OLFML2B: variants seen among roughly 807,000 people sequenced by gnomAD.
The protein encoded by OLFML2B is olfactomedin like 2B, also known as olfactomedin-like protein 2B.
OLFML2B carries 57 observed loss-of-function variants against 74.9 expected under a neutral mutation model. The observed-to-expected ratio is 0.76, with a 90% CI of 0.61 to 0.95. The LOEUF (loss-of-function observed/expected upper bound fraction) is 0.95, where lower values mean the gene tolerates loss of function less well. Ranked by LOEUF, OLFML2B falls within the 40% of genes least tolerant of loss-of-function variation. OLFML2B has a pLI of 0.00. For synonymous variants in OLFML2B, 388 were observed against 405.8 expected (o/e 0.96, Z 0.53); for missense variants, 986 against 970.6 (o/e 1.02, Z -0.21).
chr1:162,012,428 G>A (rs1458996043), intron 3 of OLFML2B, among the ~76,000 whole-genome samples: 1 of 152,212 alleles, frequency 6.6e-6, no homozygotes, highest in East Asian at 1.9e-4. Context: ...TTAGGTGTGG[G>A]GGAGAAGCCC....
At chr1:162,010,171 G>A (rs1249810202) in intron 3 of OLFML2B, among the ~76,000 whole-genome samples, 1 of 152,216 alleles carries the variant, frequency 6.6e-6, no homozygotes, top group South Asian at 2.1e-4. Context: ...CAGAAGGCTG[G>A]ACACAGCCAA....
intron 6 of OLFML2B, among the ~76,000 whole-genome samples, chr1:161,987,100 G>A (rs976284837): frequency 1.3e-5 from 2 of 152,256 alleles, no homozygotes; most frequent in African/African-American, 4.8e-5. Flanking sequence ...GCCTGGCTCT[G>A]CTCTTGGCCC....
At chr1:161,995,368 T>C (rs936576579) in intron 6 of OLFML2B, among the ~76,000 whole-genome samples, 1 of 152,238 alleles carries the variant, frequency 6.6e-6, no homozygotes, top group African/African-American at 2.4e-5. Flanking sequence ...GGCTAGTCTT[T>C]AAGCAAACCT....
intron 3 of OLFML2B, among the ~76,000 whole-genome samples, chr1:162,010,024 G>C (rs551711487): frequency 2.6e-5 from 4 of 152,254 alleles, no homozygotes; most frequent in African/African-American, 9.6e-5. Context: ...GGGCAGTGCT[G>C]GCAATGTGGC....
chr1:161,984,146 G>A lies in OLFML2B; in HGVS notation c.1782C>T (p.Tyr594=), dbSNP rs139965719. ...NIIKYDLKQR[Y]VAAWAMLHDV... ...CATGCAGCATGGCCCAGGCAGCCAC[G>A]TAGCGCTGCTTCAGGTCGTACTTGA... is the stretch of plus-strand genomic sequence containing the variant. The change falls in exon 8 of 8, where the codon TAC becomes TAT. Residue 594 remains tyrosine (Y), a synonymous_variant. Coordinates refer to ENST00000294794, the MANE Select transcript of OLFML2B (RefSeq NM_015441.3). 15 of 1,610,256 alleles carry A rather than the reference G, an allele frequency of 9.3e-6. No homozygotes were observed. The African/African-American group carries it at 1.1e-4, about 11-fold the overall frequency.
intron 3 of OLFML2B, among the ~76,000 whole-genome samples, chr1:162,008,688 T>G (rs1690297627): frequency 6.6e-6 from 1 of 152,088 alleles, no homozygotes; most frequent in African/African-American, 2.4e-5. Context: ...AAACTGCAGA[T>G]TCCCAGGCCC....
Position 162,004,066 on chromosome 1 carries a change from G to A in OLFML2B, c.723+2231C>T, listed in dbSNP as rs575856686. 6.6e-5 allele frequency among the ~76,000 whole-genome samples: 10 copies of A among 152,290 alleles called. No individual in the cohort carries two copies. In the East Asian group the frequency reaches 9.6e-4, roughly 15 times the overall value. ...CTCAGGAAATCTGAGCTGGGTTCCC[G>A]AACATACCACATAATGTGTCATCAA... On this transcript the variant is annotated intron_variant, in intron 4 of 7. Transcript: ENST00000294794.
chr1:162,023,327 T>A lies in OLFML2B; in HGVS notation c.104A>T (p.Gln35Leu). The change falls in exon 1 of 8, where the codon CAG (glutamine) becomes CTG (leucine). Residue 35 changes from glutamine (Q) to leucine (L), a missense_variant. By Grantham distance (113) the Gln-to-Leu change is moderately radical (BLOSUM62 -2). Coordinates refer to ENST00000294794, the MANE Select transcript of OLFML2B (RefSeq NM_015441.3). ...LTGTSEPPDA[Q>L]TVAPAEDETL... ...CTCGTCCTCCGCAGGCGCCACTGTC[T>A]GCGCATCTGGGGGCTCGCTTGTCCC... 1.2e-6 allele frequency: 2 copies of A among 1,607,558 alleles called. No homozygotes were observed.
chr1:162,016,090 GT>G lies in OLFML2B; in HGVS notation c.546+1309del, dbSNP rs1184080566. 2.6e-5 allele frequency among the ~76,000 whole-genome samples: 4 copies of G among 152,364 alleles called. No homozygotes were observed. The East Asian group carries it at 7.7e-4, about 29-fold the overall frequency. On this transcript the variant is annotated intron_variant, in intron 3 of 7. Transcript: ENST00000294794. ...AAATTTTAAGGGGTGGAAGGAGTGT[GT>G]TGAAACTAATCCTTGTAACTTCAGT...
At chr1:161,987,815 G>A (rs1689633525) in intron 6 of OLFML2B, among the ~76,000 whole-genome samples, 1 of 152,190 alleles carries the variant, frequency 6.6e-6, no homozygotes, top group South Asian at 2.1e-4. Context: ...TAGGACCTCA[G>A]GCTGCATTTT....
At position 161,997,848 on chromosome 1, in the gene OLFML2B, T is replaced by A. The variant is rs369791177; in HGVS notation, c.1451A>T (p.Glu484Val). The change falls in exon 6 of 8, where the codon GAA becomes GTA. Residue 484 changes from glutamate to valine, a missense_variant. By Grantham distance (121) the Glu-to-Val change is moderately radical (BLOSUM62 -2). Transcript: ENST00000294794. Reference protein sequence around the residue: ...PASPTLSPEEEDDIRNVIGRC... With the variant: ...PASPTLSPEEVDDIRNVIGRC... ...ACCTATGACATTCCGGATGTCATCT[T>A]CTTCTTCGGGGCTCAGCGTGGGGCT... is the stretch of plus-strand genomic sequence containing the variant. The A allele has an allele frequency of 3.7e-6, 6 of 1,613,404 alleles. No individual in the cohort carries two copies. In the African/African-American group the frequency reaches 8.0e-5, roughly 22 times the overall value.
At chr1:161,997,335 T>C (rs1170263852) in intron 6 of OLFML2B, among the ~76,000 whole-genome samples, 1 of 152,202 alleles carries the variant, frequency 6.6e-6, no homozygotes, top group Non-Finnish European at 1.5e-5. Context: ...ATGATGTTTC[T>C]ATGCTCTCCA....
intron 6 of OLFML2B, among the ~76,000 whole-genome samples, chr1:161,994,118 C>A (rs373368243): frequency 4.7e-4 from 71 of 152,334 alleles, no homozygotes; most frequent in African/African-American, 1.5e-3. Context: ...GTTTTCTGAG[C>A]AAGTTGGGTT....
chr1:162,021,002 C>T (rs930078287), intron 1 of OLFML2B, among the ~76,000 whole-genome samples: 1 of 152,176 alleles, frequency 6.6e-6, no homozygotes, highest in Non-Finnish European at 1.5e-5. Context: ...CTCAAGAAGC[C>T]TACAGTGCAG....
At chr1:162,019,825 C>A in intron 2 of OLFML2B, 94 bp downstream of exon 2, 1 of 1,479,766 alleles carries the variant, frequency 6.8e-7, no homozygotes, top group Non-Finnish European at 9.1e-7. Flanking sequence ...TGACCTTCTT[C>A]AAAGGGCTTA....
At chr1:162,011,332 G>A (rs1449017577) in intron 3 of OLFML2B, among the ~76,000 whole-genome samples, 1 of 152,184 alleles carries the variant, frequency 6.6e-6, no homozygotes, top group Non-Finnish European at 1.5e-5. Flanking sequence ...GGAGTGACCT[G>A]AGCAAGTGTG....
chr1:162,018,299 GAA>G (rs910094348), intron 2 of OLFML2B, among the ~76,000 whole-genome samples: 39 of 152,216 alleles, frequency 2.6e-4, no homozygotes, highest in African/African-American at 9.4e-4. Context: ...GTTAAAAAAA[GAA>G]AACAAGCAAG....
chr1:161,987,014 T>G (rs2499841), intron 6 of OLFML2B, among the ~76,000 whole-genome samples: 1 of 152,176 alleles, frequency 6.6e-6, no homozygotes, highest in African/African-American at 2.4e-5. Context: ...CCTGCAGGGT[T>G]CCGTCTCACA....
intron 4 of OLFML2B, among the ~76,000 whole-genome samples, chr1:162,000,658 C>T (rs371489037): frequency 1.3e-5 from 2 of 152,164 alleles, no homozygotes; most frequent in South Asian, 2.1e-4. Flanking sequence ...GTTCCAGAAT[C>T]AGTGTCGCTA....
Sources: allele counts gnomAD v4.1 joint callset (sites outside exome capture counted in the v4.1 genomes callset), GRCh38; gene constraint gnomAD v4.1.1; transcripts MANE v1.5; gene names NCBI Gene and HGNC (gene_info 2026-07-23, HGNC 2026-07-21).